RAPGEF5: variants seen among roughly 807,000 people sequenced by gnomAD.
The protein encoded by RAPGEF5 is Rap guanine nucleotide exchange factor 5, also known as M-Ras-regulated GEF.
In RAPGEF5, 65 loss-of-function variants were observed where a neutral mutation model predicts 125.2. That is an observed-to-expected ratio of 0.52 (90% CI 0.43 to 0.64). RAPGEF5 has a LOEUF of 0.64. RAPGEF5 is among the 30% of genes least tolerant of loss of function. RAPGEF5 has a pLI of 0.00. For missense variants in RAPGEF5, 958 were observed against 1,048.1 expected (o/e 0.91, Z 1.19); for synonymous variants, 391 against 385.9 (o/e 1.01, Z -0.16).
intron 11 of RAPGEF5, among the ~76,000 whole-genome samples, chr7:22,168,867 C>A (rs545899535): frequency 4.3e-4 from 65 of 152,168 alleles, no homozygotes; most frequent in African/African-American, 1.5e-3. Context: ...TAAAATGAAC[C>A]AAGGGTGTTA....
intron 19 of RAPGEF5, among the ~76,000 whole-genome samples, chr7:22,145,591 G>A (rs566808813): frequency 1.8e-4 from 28 of 152,232 alleles, no homozygotes; most frequent in African/African-American, 6.5e-4. Flanking sequence ...ATTTGTTAAG[G>A]TGCACATCAG....
At chr7:22,274,181 A>G (rs1485100861) in intron 6 of RAPGEF5, among the ~76,000 whole-genome samples, 1 of 151,766 alleles carries the variant, frequency 6.6e-6, no homozygotes, top group East Asian at 1.9e-4. Context: ...AACCCTCTTG[A>G]CCTTCTTCTC....
chr7:22,334,640 G>T (rs1485321122), intron 1 of RAPGEF5, among the ~76,000 whole-genome samples: 3 of 152,326 alleles, frequency 2.0e-5, no homozygotes, highest in African/African-American at 7.2e-5. Flanking sequence ...TCACTTAGCA[G>T]TATGTATTTA....
chr7:22,156,620 G>A (rs1293751031), intron 16 of RAPGEF5, among the ~76,000 whole-genome samples, 190 bp downstream of exon 16: 1 of 152,194 alleles, frequency 6.6e-6, no homozygotes, highest in Non-Finnish European at 1.5e-5. Flanking sequence ...GCTTGGGACA[G>A]TATTATGTGA....
At position 22,119,202 on chromosome 7, in the gene RAPGEF5, T is replaced by C. The variant is rs1489922309; in HGVS notation, c.*3204A>G. 6.6e-6 allele frequency: 1 copy of C among 152,126 alleles called. No individual in the cohort carries two copies. Among genetic ancestry groups the C allele is most frequent in the Non-Finnish European group, 1.5e-5 (1 of 68,030 alleles). 9.4% of individuals were successfully genotyped at this position (152,126 alleles called of 1,614,324 possible). On this transcript the variant is annotated 3_prime_UTR_variant, in exon 26 of 26. Coordinates refer to ENST00000665637, the MANE Select transcript of RAPGEF5 (RefSeq NM_012294.5). The surrounding 1 kb of genome is among the most constrained non-coding windows in gnomAD (Gnocchi z 4.1). ...AGAAGTCATCACTGGTACTCTCTCT[T>C]TCATGCCACGATTTCTCCTCCACTC...
intron 17 of RAPGEF5, among the ~76,000 whole-genome samples, chr7:22,151,161 G>A (rs1412187659): frequency 3.9e-5 from 6 of 152,090 alleles, no homozygotes; most frequent in Non-Finnish European, 8.8e-5. Flanking sequence ...GCTAAGTACT[G>A]GCACGGGGCC....
At chr7:22,327,482 A>C (rs1389875805) in intron 1 of RAPGEF5, among the ~76,000 whole-genome samples, 1 of 152,216 alleles carries the variant, frequency 6.6e-6, no homozygotes, top group East Asian at 1.9e-4. Context: ...AAAAAAATCT[A>C]GCCCTTTTAA....
intron 1 of RAPGEF5, among the ~76,000 whole-genome samples, chr7:22,337,934 C>T (rs1369248880): frequency 1.3e-5 from 2 of 152,218 alleles, no homozygotes; most frequent in Non-Finnish European, 2.9e-5. Flanking sequence ...TACCTATATG[C>T]AACCTTTGTT....
chr7:22,203,617 T>C (rs1232559631), intron 9 of RAPGEF5, among the ~76,000 whole-genome samples: 1 of 152,176 alleles, frequency 6.6e-6, no homozygotes, highest in East Asian at 1.9e-4. Context: ...CCAGATATGG[T>C]GGTTATTTCC....
intron 17 of RAPGEF5, among the ~76,000 whole-genome samples, chr7:22,151,023 A>T (rs1583416062): frequency 6.6e-6 from 1 of 152,314 alleles, no homozygotes; most frequent in East Asian, 1.9e-4. Flanking sequence ...ACTTGCCAAA[A>T]TTATTTACAT....
intron 15 of RAPGEF5, among the ~76,000 whole-genome samples, chr7:22,157,260 C>T (rs1783840164): frequency 1.3e-5 from 2 of 152,222 alleles, no homozygotes. Flanking sequence ...TCTGCTATTA[C>T]ATTTTTCATG....
At chr7:22,123,608 A>G (rs940322201) in intron 25 of RAPGEF5, among the ~76,000 whole-genome samples, 2 of 152,210 alleles carry the variant, frequency 1.3e-5, no homozygotes, top group Non-Finnish European at 2.9e-5. Flanking sequence ...GAAATAATTT[A>G]AGACCTGTAT....
At chr7:22,209,903 G>A (rs753851655) in intron 9 of RAPGEF5, among the ~76,000 whole-genome samples, 14 of 152,200 alleles carry the variant, frequency 9.2e-5, no homozygotes, top group Non-Finnish European at 1.5e-4. Flanking sequence ...TCTGATTACA[G>A]AGGCTAAAAG....
At chr7:22,277,494 G>A (rs930091552) in intron 6 of RAPGEF5, among the ~76,000 whole-genome samples, 5 of 152,136 alleles carry the variant, frequency 3.3e-5, no homozygotes, top group African/African-American at 1.2e-4. Context: ...TGGCTCAACT[G>A]GGTTCTCTGC....
intron 7 of RAPGEF5, among the ~76,000 whole-genome samples, chr7:22,263,469 C>A (rs1782206117): frequency 6.6e-6 from 1 of 152,000 alleles, no homozygotes; most frequent in South Asian, 2.1e-4. Flanking sequence ...GTGGCTTACG[C>A]CTATAATCCC....
chr7:22,344,330 G>A (rs1050967756), intron 1 of RAPGEF5, among the ~76,000 whole-genome samples: 2 of 152,146 alleles, frequency 1.3e-5, no homozygotes, highest in Non-Finnish European at 2.9e-5. Context: ...AAAGATGTGT[G>A]GGCAAGGTTC....
At chr7:22,251,006 T>C (rs187367012) in intron 7 of RAPGEF5, among the ~76,000 whole-genome samples, 39 of 152,284 alleles carry the variant, frequency 2.6e-4, no homozygotes, top group African/African-American at 9.1e-4. Context: ...GAAGCCCATG[T>C]TTTCCACAGA....
At chr7:22,235,000 G>A (rs1172132383) in intron 7 of RAPGEF5, among the ~76,000 whole-genome samples, 1 of 152,166 alleles carries the variant, frequency 6.6e-6, no homozygotes. Context: ...CACAATGACT[G>A]TCGTGTGCTG....
In RAPGEF5 at chr7:22,333,773, A is replaced by G. The variant is rs568082976; in HGVS notation, c.232-15736T>C. On this transcript the variant is annotated intron_variant, in intron 1 of 25. Coordinates refer to ENST00000665637, the MANE Select transcript of RAPGEF5 (RefSeq NM_012294.5). Reference sequence around the variant, plus strand: ...AGCTCATATTTGGCTTGGAGCCACTATTGTTTGGAAAAGGTATAACTGCCG... The same window carrying G: ...AGCTCATATTTGGCTTGGAGCCACTGTTGTTTGGAAAAGGTATAACTGCCG... Among the ~76,000 whole-genome samples, 37 of 152,332 alleles carry G rather than the reference A, an allele frequency of 2.4e-4. 1 individual carries two copies. In the East Asian group the frequency reaches 5.0e-3, roughly 21 times the overall value.
Sources: gnomAD v4.1 joint callset for allele counts (sites outside exome capture counted in the v4.1 genomes callset) on GRCh38, gnomAD v4.1.1 for gene constraint, Gnocchi (gnomAD v3.1) non-coding constraint, MANE v1.5 for transcripts, NCBI Gene and HGNC (gene_info 2026-07-23, HGNC 2026-07-21) for gene names.